The following ACACB variants were observed in gnomAD, a reference collection of about 807,000 sequenced individuals.
ACACB encodes the protein acetyl-CoA carboxylase beta, also known as acetyl-CoA carboxylase 2.
ACACB carries 209 observed loss-of-function variants against 278.8 expected under a neutral mutation model. The ratio of observed to expected loss-of-function variants is 0.75; its 90% CI spans 0.67 to 0.84. ACACB has a LOEUF of 0.84. Ranked by LOEUF, ACACB falls within the 40% of genes least tolerant of loss-of-function variation. The pLI is 0.00. For missense variants in ACACB, 2,850 were observed against 3,269.0 expected, an observed-to-expected ratio of 0.87 and a Z score of 3.13; for synonymous variants, 1,174 against 1,285.6, an observed-to-expected ratio of 0.91 and a Z score of 1.86.
At chr12:109,142,178 G>A (rs1281319194) in intron 2 of ACACB, among the ~76,000 whole-genome samples, 2 of 152,192 alleles carry the variant, frequency 1.3e-5, no homozygotes, top group Non-Finnish European at 2.9e-5. Context: ...GAGCCCAGAA[G>A]TTTGTGGTTA....
chr12:109,168,245 C>G (rs2043987731), intron 4 of ACACB, among the ~76,000 whole-genome samples: 1 of 152,164 alleles, frequency 6.6e-6, no homozygotes, highest in African/African-American at 2.4e-5. Context: ...AGATGGTTAA[C>G]ATGCAGAGAG....
rs562616038 is a variant in ACACB at position 109,223,715 on chromosome 12, T to G, written c.3793-100T>G. 8.1e-6 allele frequency: 9 copies of G among 1,108,688 alleles called. No homozygotes were observed. In the African/African-American group the frequency reaches 1.2e-4, roughly 15 times the overall value. The allele number at this position is 1,108,688 out of a possible 1,614,324, so 68.7% of individuals were successfully genotyped here. A position where few individuals can be genotyped will look rare whatever the true frequency, so the allele number is the denominator to read the frequency against. On this transcript the variant is annotated intron_variant, in intron 26 of 52. Transcript: ENST00000338432. The stretch of plus-strand genomic sequence containing the variant: ...AGTTTGAGGCTGCGGTGAGCTATGA[T>G]CACACCACTGCACTCCAGTTTATCT...
chr12:109,231,616 C>T (rs2046474268), intron 28 of ACACB, among the ~76,000 whole-genome samples: 1 of 152,116 alleles, frequency 6.6e-6, no homozygotes, highest in Non-Finnish European at 1.5e-5. Flanking sequence ...TAGGAGAACT[C>T]ACAGGTCTCG....
intron 21 of ACACB, among the ~76,000 whole-genome samples, chr12:109,210,314 CAT>C (rs750813991): frequency 3.2e-5 from 2 of 62,956 alleles, no homozygotes; most frequent in Admixed American, 1.6e-4. Flanking sequence ...TATACACACA[CAT>C]ATCTGTGTAT....
At chr12:109,158,677 A>T (rs1181333255) in intron 2 of ACACB, among the ~76,000 whole-genome samples, 2 of 152,148 alleles carry the variant, frequency 1.3e-5, no homozygotes, top group African/African-American at 2.4e-5. Context: ...CCCTGTCTCT[A>T]TAAAAAACAA....
intron 31 of ACACB, among the ~76,000 whole-genome samples, chr12:109,235,101 C>A (rs1389512580): frequency 6.6e-6 from 1 of 152,182 alleles, no homozygotes; most frequent in African/African-American, 2.4e-5. Flanking sequence ...CACCACAGCC[C>A]TAGGCAACCA....
intron 1 of ACACB, among the ~76,000 whole-genome samples, chr12:109,138,579 A>T (rs1159393521): frequency 6.6e-6 from 1 of 151,988 alleles, no homozygotes; most frequent in Admixed American, 6.6e-5. Flanking sequence ...TTAAAAAAAA[A>T]AAATAACAGC....
intron 33 of ACACB, among the ~76,000 whole-genome samples, chr12:109,236,851 T>C (rs2046644659): frequency 6.6e-6 from 1 of 151,774 alleles, no homozygotes; most frequent in Non-Finnish European, 1.5e-5. Flanking sequence ...TGCCACAGGC[T>C]GTGACAGATG....
At chr12:109,196,875 G>C (rs184625437) in intron 16 of ACACB, 133 bp from the exon 17 acceptor site, 1 of 1,089,964 alleles carries the variant, frequency 9.2e-7, no homozygotes, top group African/African-American at 1.7e-5. Flanking sequence ...TGAGGGCTGG[G>C]TCCGAGAGAC....
At chr12:109,239,712 T>G in intron 34 of ACACB, 118 bp from the exon 35 acceptor site, 9 of 1,225,358 alleles carry the variant, frequency 7.3e-6, no homozygotes, top group African/African-American at 1.5e-5. Context: ...CTGGCACACT[T>G]TTTGGAGGAG....
intron 46 of ACACB, 49 bp from the exon 47 acceptor site, chr12:109,258,923 TG>T (rs781253372): frequency 1.2e-6 from 2 of 1,606,380 alleles, no homozygotes; most frequent in Non-Finnish European, 1.7e-6. Flanking sequence ...CCCTCTGTCC[TG>T]GGTTGTGGTT....
At chr12:109,133,849 ATATATATATATATATTTTTTTTT>A (rs2042894149) in intron 1 of ACACB, among the ~76,000 whole-genome samples, 1 of 43,980 alleles carries the variant, frequency 2.3e-5, no homozygotes, top group Non-Finnish European at 4.2e-5. Context: ...ATATATATAT[ATATATATATATATATTTTTTTTT>A]TTTTTTTTTT....
chr12:109,265,304 C>G (rs1034203272), intron 51 of ACACB, 24 bp downstream of exon 51: 1 of 1,611,472 alleles, frequency 6.2e-7, no homozygotes, highest in African/African-American at 1.3e-5. Context: ...GAGAACGAGG[C>G]CGGTGAGCAC....
At chr12:109,230,816 G>A (rs778010240) in intron 28 of ACACB, among the ~76,000 whole-genome samples, 3 of 152,300 alleles carry the variant, frequency 2.0e-5, no homozygotes, top group Middle Eastern at 3.4e-3. Context: ...CATGCCTTGT[G>A]AGCTACACGT....
intron 2 of ACACB, among the ~76,000 whole-genome samples, chr12:109,151,067 C>T (rs1283611446): frequency 2.0e-5 from 3 of 150,918 alleles, no homozygotes; most frequent in South Asian, 2.1e-4. Flanking sequence ...CAACCTCTAC[C>T]GCCCGGGTCC....
chr12:109,267,096 G>C lies in ACACB; in HGVS notation c.*734G>C, dbSNP rs1361579250. 6.6e-6 allele frequency: 1 copy of C among 151,976 alleles called. No individual in the cohort carries two copies. The highest frequency in any genetic ancestry group is 1.5e-5 in the Non-Finnish European group (1 of 68,022). The allele number at this position is 151,976 out of a possible 1,614,324, so 9.4% of individuals were successfully genotyped here. A position where few individuals can be genotyped will look rare whatever the true frequency, so the allele number is the denominator to read the frequency against. On this transcript the variant is annotated 3_prime_UTR_variant, in exon 53 of 53. Coordinates refer to ENST00000338432, the MANE Select transcript of ACACB (RefSeq NM_001093.4). ...GAGTTTCACCAGGTTGGTCAGGCTG[G>C]TCTCAAACTCTTGACTTCAGGTAAT... is the stretch of plus-strand genomic sequence containing the variant.
In ACACB at chr12:109,199,476, C is replaced by T. The variant is rs375290298; in HGVS notation, c.2702C>T (p.Ser901Leu). The change falls in exon 18 of 53, where the codon TCG becomes TTG. Residue 901 changes from serine (S) to leucine (L), a missense_variant. By Grantham distance (145) the Ser-to-Leu change is moderately radical. Coordinates refer to ENST00000338432, the MANE Select transcript of ACACB (RefSeq NM_001093.4). ...GATCCTACAGTCCTGAGATCCCCCT[C>T]GGCTGGGAAGCTGACACAGTACACA... ...ENDPTVLRSP[S>L]AGKLTQYTVE... The T allele has an allele frequency of 7.0e-6, 11 of 1,569,694 alleles. No individual in the cohort carries two copies. Among genetic ancestry groups the T allele is most frequent in the Admixed American group, 1.8e-5 (1 of 54,558 alleles).
intron 46 of ACACB, 54 bp from the exon 47 acceptor site, chr12:109,258,919 G>T: frequency 6.2e-7 from 1 of 1,604,020 alleles, no homozygotes; most frequent in Non-Finnish European, 8.5e-7. Context: ...CCGTCCCTCT[G>T]TCCTGGGTTG....
chr12:109,260,085 G>T (rs997331153), intron 47 of ACACB: 2 of 1,362,568 alleles, frequency 1.5e-6, no homozygotes, highest in Admixed American at 1.9e-5. Context: ...GACCTGGAGA[G>T]ATGTGTCTTG....
Sources: allele counts gnomAD v4.1 joint callset (sites outside exome capture counted in the v4.1 genomes callset), GRCh38; gene constraint gnomAD v4.1.1; transcripts MANE v1.5; gene names NCBI Gene and HGNC (gene_info 2026-07-23, HGNC 2026-07-21).